Variants in UHRF1 observed in about 807,000 individuals in gnomAD.
UHRF1 encodes E3 ubiquitin-protein ligase UHRF1.
In UHRF1, 9 loss-of-function variants were observed where a neutral mutation model predicts 96.5. The ratio of observed to expected loss-of-function variants is 0.09; its 90% CI spans 0.06 to 0.16. The LOEUF is 0.16. Among genes scored for constraint, UHRF1 ranks in the 10% least tolerant of loss-of-function variants. The pLI, the probability that UHRF1 is intolerant of heterozygous loss-of-function variation, is 1.00. For missense variants in UHRF1, 626 were observed against 1,131.1 expected, an observed-to-expected ratio of 0.55 and a Z score of 6.40; for synonymous variants, 455 against 469.9, an observed-to-expected ratio of 0.97 and a Z score of 0.41.
intron 16 of UHRF1, 28 bp downstream of exon 16, chr19:4,956,841 G>T (rs763350836): frequency 6.5e-7 from 1 of 1,533,908 alleles, no homozygotes; most frequent in Admixed American, 1.9e-5. Flanking sequence ...CGGGAGCCGG[G>T]TGGAAGGTTC....
At chr19:4,922,227 G>A (rs554801273) in intron 2 of UHRF1, among the ~76,000 whole-genome samples, 9 of 152,012 alleles carry the variant, frequency 5.9e-5, no homozygotes, top group African/African-American at 1.9e-4. Flanking sequence ...GATTACAGGT[G>A]TGAGCCACCG....
At chr19:4,929,525 A>T (rs751939848) in intron 3 of UHRF1, 49 bp downstream of exon 3, 1 of 1,577,714 alleles carries the variant, frequency 6.3e-7, no homozygotes, top group East Asian at 2.2e-5. Context: ...TCTCCCTGCC[A>T]TTCTGGTCTT....
chr19:4,927,886 G>A (rs1250507215), intron 2 of UHRF1, among the ~76,000 whole-genome samples: 3 of 152,214 alleles, frequency 2.0e-5, no homozygotes, highest in East Asian at 1.9e-4. Flanking sequence ...AATCCTGCTC[G>A]CACCAGGCAC....
At position 4,911,005 on chromosome 19, in the gene UHRF1, A is replaced by C; in HGVS notation, c.120A>C (p.Pro40=). ...TCCAGGAGCTGTTCCACGTGGAGCCAGGCCTGCAGAGGCTGTTCTACAGGG... is the reference window on the plus strand; with the variant it reads ...TCCAGGAGCTGTTCCACGTGGAGCCCGGCCTGCAGAGGCTGTTCTACAGGG... The part of the protein sequence containing the change: ...RKIQELFHVE[P]GLQRLFYRGK... Residue 40 remains proline (P), a synonymous_variant, in exon 2 of 17, where the codon CCA becomes CCC. Coordinates refer to ENST00000650932, the MANE Select transcript of UHRF1 (RefSeq NM_001048201.3). 1 of 1,610,392 alleles carries C rather than the reference A, an allele frequency of 6.2e-7. No individual in the cohort carries two copies. The highest frequency in any genetic ancestry group is 8.5e-7 in the Non-Finnish European group (1 of 1,177,888).
chr19:4,940,892 C>T (rs1469088073), intron 5 of UHRF1, among the ~76,000 whole-genome samples: 3 of 151,666 alleles, frequency 2.0e-5, no homozygotes, highest in African/African-American at 4.8e-5. Flanking sequence ...AGGCTGGTCT[C>T]GAACTCCTGA....
rs1367812917 is a variant in UHRF1 at position 4,941,550 on chromosome 19, C to T, written c.808C>T (p.Arg270Trp). 3.1e-6 allele frequency: 5 copies of T among 1,613,470 alleles called. No homozygotes were observed. The highest frequency in any genetic ancestry group is 1.3e-5 in the African/African-American group (1 of 75,012). ...CAGGGATGATTCTCTGAACGACTGTCGGATCATCTTCGTGGACGAAGTCTT... is the reference window on the plus strand; with the variant it reads ...CAGGGATGATTCTCTGAACGACTGTTGGATCATCTTCGTGGACGAAGTCTT... ...VLGDDSLNDC[R>W]IIFVDEVFKI... The change falls in exon 6 of 17, where the codon CGG becomes TGG. Residue 270 changes from arginine to tryptophan, a missense_variant. By Grantham distance (101) the Arg-to-Trp change is moderately radical (BLOSUM62 -3). Coordinates refer to ENST00000650932, the MANE Select transcript of UHRF1 (RefSeq NM_001048201.3).
chr19:4,921,890 C>G (rs775316025), intron 2 of UHRF1, among the ~76,000 whole-genome samples: 1 of 152,222 alleles, frequency 6.6e-6, no homozygotes, highest in African/African-American at 2.4e-5. Context: ...ACGAGGAGTG[C>G]TTAGGGAAAC....
chr19:4,947,046 GTC>G (rs1324850140), intron 10 of UHRF1, 57 bp from the exon 11 acceptor site: 5 of 1,330,068 alleles, frequency 3.8e-6, no homozygotes, highest in Non-Finnish European at 4.2e-6. Flanking sequence ...TTTCAATGCA[GTC>G]TCTTTTTTTT....
chr19:4,917,394 G>A (rs1041801079), intron 2 of UHRF1, among the ~76,000 whole-genome samples: 1 of 151,564 alleles, frequency 6.6e-6, no homozygotes, highest in African/African-American at 2.4e-5. Flanking sequence ...GGTGGCTTAC[G>A]CCTGTAATCC....
chr19:4,954,813 C>T lies in UHRF1; in HGVS notation c.2121C>T (p.Ser707=), dbSNP rs757548105. 3.6e-5 allele frequency: 58 copies of T among 1,613,494 alleles called. No homozygotes were observed. In the East Asian group the frequency reaches 4.5e-4, roughly 12 times the overall value. Residue 707 remains serine (S), a synonymous_variant, in exon 15 of 17, where the codon AGC becomes AGT. Transcript: ENST00000650932. The surrounding 1 kb of genome is among the most constrained non-coding windows in gnomAD (Gnocchi z 5.9). ...CGTCACTCAAGGACCGGCCGGCGAG[C>T]GGCAGCCCGGTAGGCTCGCACGGCT... ...VLASLKDRPA[S]GSPFQLFLSK... is the part of the protein sequence containing the mutation.
chr19:4,940,821 C>T (rs555093735), intron 5 of UHRF1, among the ~76,000 whole-genome samples: 311 of 151,502 alleles, frequency 2.1e-3, no homozygotes, highest in Non-Finnish European at 2.6e-3. Flanking sequence ...TACAGGTGCG[C>T]GCTACCATGC....
upstream of UHRF1, among the ~76,000 whole-genome samples, chr19:4,905,442 A>G (rs1279139545): frequency 6.6e-6 from 1 of 151,234 alleles, no homozygotes; most frequent in East Asian, 1.9e-4. Context: ...TTCTTAAAAC[A>G]TTATGAGATT....
At chr19:4,945,602 C>T (rs2033538360) in intron 9 of UHRF1, among the ~76,000 whole-genome samples, 1 of 151,642 alleles carries the variant, frequency 6.6e-6, no homozygotes, top group Admixed American at 6.6e-5. Context: ...CATCGGAGAT[C>T]AGCAGTGAGG....
Position 4,941,594 on chromosome 19 carries a change from T to A in UHRF1, c.852T>A (p.Gly284=). ...AAGTCTTCAAGATTGAGCGGCCGGG[T>A]GAAGGGAGCCCCATGGTTGACAACC... ...VDEVFKIERP[G]EGSPMVDNPM... is the part of the protein sequence containing the mutation. Residue 284 remains glycine, a synonymous_variant, in exon 6 of 17, where the codon GGT becomes GGA. Transcript: ENST00000650932. The A allele has an allele frequency of 1.2e-6, 2 of 1,613,554 alleles. No homozygotes were observed.
chr19:4,936,583 G>T (rs2033222464), intron 5 of UHRF1, among the ~76,000 whole-genome samples: 1 of 152,156 alleles, frequency 6.6e-6, no homozygotes, highest in African/African-American at 2.4e-5. Context: ...CAGTGTGGGG[G>T]GTCAATTCAT....
At chr19:4,916,305 CAA>C (rs11409542) in intron 2 of UHRF1, among the ~76,000 whole-genome samples, 6 of 124,574 alleles carry the variant, frequency 4.8e-5, no homozygotes, top group Admixed American at 8.3e-5. Flanking sequence ...GACTTTGTCT[CAA>C]AAAAAAAAAA....
chr19:4,911,140 C>G, intron 2 of UHRF1, 102 bp downstream of exon 2: 1 of 1,169,828 alleles, frequency 8.5e-7, no homozygotes, highest in Non-Finnish European at 1.2e-6. Context: ...CCCCCAACAA[C>G]CTCGTCCGGT....
At chr19:4,952,770 T>C (rs1212677465) in intron 13 of UHRF1, among the ~76,000 whole-genome samples, 1 of 150,142 alleles carries the variant, frequency 6.7e-6, no homozygotes, top group Non-Finnish European at 1.5e-5. Flanking sequence ...CACTGGAGAG[T>C]CAGACGTGAC....
Position 4,956,777 on chromosome 19 carries a change from G to T in UHRF1, c.2199G>T (p.Arg733=). ...TCTGCTGTCAGGAGCTGGTGTTCCGGCCCATCACGACCGTGTGCCAGCACA... is the reference window on the plus strand; with the variant it reads ...TCTGCTGTCAGGAGCTGGTGTTCCGTCCCATCACGACCGTGTGCCAGCACA... ...QCICCQELVF[R]PITTVCQHNV... The change falls in exon 16 of 17, where the codon CGG becomes CGT. Residue 733 remains arginine, a synonymous_variant. Transcript: ENST00000650932. The T allele has an allele frequency of 5.0e-6, 8 of 1,611,078 alleles. No homozygotes were observed. The highest frequency in any genetic ancestry group is 6.8e-6 in the Non-Finnish European group (8 of 1,178,648).
Sources: gnomAD v4.1 joint callset for allele counts (sites outside exome capture counted in the v4.1 genomes callset) on GRCh38, gnomAD v4.1.1 for gene constraint, Gnocchi (gnomAD v3.1) non-coding constraint, MANE v1.5 for transcripts, NCBI Gene and HGNC (gene_info 2026-07-23, HGNC 2026-07-21) for gene names.